KLRG1: variants seen among roughly 807,000 people sequenced by gnomAD.
KLRG1 encodes the protein killer cell lectin-like receptor subfamily G member 1.
KLRG1 carries 16 observed loss-of-function variants against 21.8 expected under a neutral mutation model. That is an observed-to-expected ratio of 0.73 (90% CI 0.50 to 1.11). The LOEUF is 1.11. Among genes scored for constraint, KLRG1 ranks in the 50% most tolerant of loss-of-function variants. KLRG1 has a pLI of 0.00. For missense variants in KLRG1, 173 were observed against 218.3 expected (o/e 0.79, Z 1.31); for synonymous variants, 69 against 75.9 (o/e 0.91, Z 0.47).
chr12:9,144,338 G>C, the KLRG1 span, among the ~76,000 whole-genome samples: 1 of 152,196 alleles, frequency 6.6e-6, no homozygotes, highest in Non-Finnish European at 1.5e-5. Context: ...GAGCCTCACA[G>C]TTCCCTTCAG....
the KLRG1 span, chr12:9,202,761 C>T: frequency 1.7e-5 from 24 of 1,373,308 alleles, no homozygotes; most frequent in Non-Finnish European, 2.3e-5. Context: ...ATTGCTATTT[C>T]CTATCTCTCC....
chr12:9,123,989 G>A, the KLRG1 span, among the ~76,000 whole-genome samples: 1 of 152,084 alleles, frequency 6.6e-6, no homozygotes, highest in East Asian at 1.9e-4. Flanking sequence ...AAAAAAAAGT[G>A]CAGCTCCCTG....
the KLRG1 span, among the ~76,000 whole-genome samples, chr12:9,174,513 G>A: frequency 3.9e-5 from 6 of 152,162 alleles, no homozygotes; most frequent in Non-Finnish European, 7.4e-5. Context: ...ATTCGAATAG[G>A]AAGAGAGAAA....
the KLRG1 span, chr12:9,112,057 G>C: frequency 9.3e-7 from 1 of 1,070,168 alleles, no homozygotes; most frequent in Non-Finnish European, 1.5e-6. Flanking sequence ...TACTGTTAAT[G>C]ATACCAGATT....
chr12:9,172,098 C>T, the KLRG1 span, among the ~76,000 whole-genome samples: 1 of 152,116 alleles, frequency 6.6e-6, no homozygotes. Flanking sequence ...GAGAGAAAGG[C>T]CAAGTCACCT....
the KLRG1 span, among the ~76,000 whole-genome samples, chr12:9,148,386 A>C: frequency 6.6e-6 from 1 of 152,122 alleles, no homozygotes; most frequent in Admixed American, 6.5e-5. Context: ...CACCACTGTT[A>C]CTTTTATCTT....
the KLRG1 span, chr12:9,090,653 G>C: frequency 3.1e-6 from 2 of 646,026 alleles, no homozygotes; most frequent in Non-Finnish European, 5.1e-6. Flanking sequence ...TAATGTATCA[G>C]ATTTACACAG....
At chr12:9,016,031 C>G in the KLRG1 span, among the ~76,000 whole-genome samples, 1 of 151,996 alleles carries the variant, frequency 6.6e-6, no homozygotes, top group Non-Finnish European at 1.5e-5. Flanking sequence ...AAAGTTTATA[C>G]CTAAAACCAC....
chr12:9,010,637 C>T lies in KLRG1; in HGVS notation c.*1100C>T, dbSNP rs1436474592. The T allele has an allele frequency of 2.0e-5, 3 of 152,128 alleles. No individual in the cohort carries two copies. The highest frequency in any genetic ancestry group is 2.9e-5 in the Non-Finnish European group (2 of 68,026). 9.4% of individuals were successfully genotyped at this position (152,128 alleles called of 1,614,324 possible). On this transcript the variant is annotated 3_prime_UTR_variant, in exon 5 of 5. Transcript: ENST00000356986. ...TTATAATCTTTTTCTCTTTATCTTT[C>T]ATAGTTTTTTTAAAAACATGGACTG...
chr12:9,183,752 G>A, the KLRG1 span, among the ~76,000 whole-genome samples: 1 of 152,156 alleles, frequency 6.6e-6, no homozygotes, highest in Non-Finnish European at 1.5e-5. Flanking sequence ...ATTAAAAATT[G>A]TTATAACTCT....
At chr12:9,123,367 C>G in the KLRG1 span, among the ~76,000 whole-genome samples, 3 of 152,176 alleles carry the variant, frequency 2.0e-5, no homozygotes, top group Non-Finnish European at 2.9e-5. Flanking sequence ...GCCAACATCA[C>G]TACTCTTGAG....
chr12:9,144,256 T>C, the KLRG1 span, among the ~76,000 whole-genome samples: 9 of 152,116 alleles, frequency 5.9e-5, no homozygotes, highest in African/African-American at 2.2e-4. Flanking sequence ...GAGAGCAAAA[T>C]ACCCACTGTG....
the KLRG1 span, among the ~76,000 whole-genome samples, chr12:9,075,556 T>C: frequency 6.6e-6 from 1 of 152,216 alleles, no homozygotes; most frequent in Non-Finnish European, 1.5e-5. Context: ...CATACTTGTA[T>C]AGGGGTCTTC....
At chr12:8,995,070 A>G in intron 2 of KLRG1, 49 bp from the exon 3 acceptor site, 1 of 1,490,482 alleles carries the variant, frequency 6.7e-7, no homozygotes, top group Non-Finnish European at 9.0e-7. Context: ...TTTCATTTCC[A>G]AGACTGAGTG....
chr12:8,998,302 T>A (rs906632204), intron 3 of KLRG1, among the ~76,000 whole-genome samples: 2 of 151,554 alleles, frequency 1.3e-5, no homozygotes, highest in African/African-American at 4.9e-5. Flanking sequence ...GCACTCTAGC[T>A]TAGGCAGCAG....
chr12:9,040,986 A>G, the KLRG1 span, among the ~76,000 whole-genome samples: 1 of 152,250 alleles, frequency 6.6e-6, no homozygotes, highest in Non-Finnish European at 1.5e-5. Flanking sequence ...ATGCTGTGAC[A>G]GACTGTTTCC....
the KLRG1 span, chr12:9,109,533 T>G: frequency 5.8e-6 from 4 of 695,400 alleles, no homozygotes; most frequent in South Asian, 7.3e-5. Flanking sequence ...TGCTCTCCAA[T>G]CTATTCTTAT....
chr12:9,101,731 T>G, the KLRG1 span: 1 of 1,376,570 alleles, frequency 7.3e-7, no homozygotes. Context: ...AGATTAATGT[T>G]CTCACAAAAC....
chr12:9,153,178 G>A, the KLRG1 span: 2 of 1,614,188 alleles, frequency 1.2e-6, no homozygotes, highest in Non-Finnish European at 1.7e-6. Flanking sequence ...TCTCCAGGGA[G>A]CTCTGGCAAT....
Sources: gnomAD v4.1 joint callset for allele counts (sites outside exome capture counted in the v4.1 genomes callset) on GRCh38, gnomAD v4.1.1 for gene constraint, MANE v1.5 for transcripts, NCBI Gene and HGNC (gene_info 2026-07-23, HGNC 2026-07-21) for gene names.